CDH2: variants seen among roughly 807,000 people sequenced by gnomAD.
CDH2 encodes the protein cadherin 2, also known as cadherin-2.
CDH2 carries 17 observed loss-of-function variants against 92.0 expected under a neutral mutation model. The observed-to-expected ratio is 0.18, with a 90% confidence interval of 0.13 to 0.28. The LOEUF (loss-of-function observed/expected upper bound fraction) is 0.28. Ranked by LOEUF, CDH2 falls within the 10% of genes least tolerant of loss-of-function variation. CDH2 has a pLI of 1.00. For synonymous variants in CDH2, 419 were observed against 415.9 expected (o/e 1.01, Z -0.09); for missense variants, 862 against 1,133.1 (o/e 0.76, Z 3.44).
intron 2 of CDH2, among the ~76,000 whole-genome samples, chr18:28,134,640 G>A (rs1454531518): frequency 6.6e-6 from 1 of 152,178 alleles, no homozygotes; most frequent in Non-Finnish European, 1.5e-5. Flanking sequence ...GAGCCCAAGA[G>A]GTTCAGGTTG....
intron 2 of CDH2, among the ~76,000 whole-genome samples, chr18:28,047,065 G>A (rs539926673): frequency 1.9e-4 from 29 of 152,220 alleles, no homozygotes; most frequent in Non-Finnish European, 3.7e-4. Flanking sequence ...ATTCCTAGAG[G>A]GATTCCTTTA....
intron 2 of CDH2, among the ~76,000 whole-genome samples, chr18:28,054,130 G>A (rs11564410): frequency 0.21 from 31,479 of 152,086 alleles, 3,777 homozygotes; most frequent in Non-Finnish European, 0.27. Context: ...CAGATTAAAA[G>A]TGGACTGGCT....
intron 2 of CDH2, among the ~76,000 whole-genome samples, chr18:28,017,470 G>A (rs544579400): frequency 5.5e-4 from 84 of 152,012 alleles, no homozygotes; most frequent in African/African-American, 1.7e-3. Context: ...CTCCCGTTTC[G>A]TTTCTAATTG....
chr18:28,160,954 G>C (rs2016297912), intron 1 of CDH2, among the ~76,000 whole-genome samples: 1 of 152,074 alleles, frequency 6.6e-6, no homozygotes, highest in Non-Finnish European at 1.5e-5. Context: ...AATGATCCTT[G>C]TCCTTCTTGA....
intron 2 of CDH2, among the ~76,000 whole-genome samples, chr18:28,125,935 T>A (rs1473013846): frequency 6.6e-6 from 1 of 152,154 alleles, no homozygotes; most frequent in Non-Finnish European, 1.5e-5. Flanking sequence ...GAAAATAGTA[T>A]AAAAATTTAG....
At chr18:28,160,156 A>T (rs2144351824) in intron 1 of CDH2, among the ~76,000 whole-genome samples, 1 of 147,070 alleles carries the variant, frequency 6.8e-6, no homozygotes, top group South Asian at 2.1e-4. Flanking sequence ...GCCTCGAGAA[A>T]AAAATAAAAA....
chr18:28,040,311 A>G (rs1261543083), intron 2 of CDH2, among the ~76,000 whole-genome samples: 35 of 152,170 alleles, frequency 2.3e-4, no homozygotes, highest in Admixed American at 2.3e-3. Flanking sequence ...AAATGATGCA[A>G]AACTGCCTTC....
chr18:28,018,304 T>G (rs1838161), intron 2 of CDH2, among the ~76,000 whole-genome samples: 25,037 of 151,796 alleles, frequency 0.16, 2,380 homozygotes, highest in South Asian at 0.3. Flanking sequence ...AAATGACCAA[T>G]GACCATACTG....
At chr18:27,981,881 C>T (rs542089642) in intron 14 of CDH2, among the ~76,000 whole-genome samples, 38 of 152,264 alleles carry the variant, frequency 2.5e-4, no homozygotes, top group Non-Finnish European at 4.0e-4. Context: ...TTGCATTAGC[C>T]AGTAGAAATC....
At chr18:28,085,557 A>G (rs982694982) in intron 2 of CDH2, among the ~76,000 whole-genome samples, 6 of 151,748 alleles carry the variant, frequency 4.0e-5, no homozygotes, top group Non-Finnish European at 7.4e-5. Context: ...TCAACAAACA[A>G]CTCCCCACTG....
At chr18:28,143,447 T>G (rs2015985844) in intron 2 of CDH2, among the ~76,000 whole-genome samples, 1 of 152,086 alleles carries the variant, frequency 6.6e-6, no homozygotes, top group Admixed American at 6.6e-5. Context: ...CTACATATTA[T>G]CTTCAAAAGC....
chr18:28,057,633 C>T (rs1354434554), intron 2 of CDH2, among the ~76,000 whole-genome samples: 1 of 150,540 alleles, frequency 6.6e-6, no homozygotes, highest in Non-Finnish European at 1.5e-5. Context: ...TGCTGCCGCA[C>T]TGCAGCCTGG....
chr18:28,072,186 T>G (rs576711276), intron 2 of CDH2, among the ~76,000 whole-genome samples: 1 of 152,228 alleles, frequency 6.6e-6, no homozygotes, highest in African/African-American at 2.4e-5. Context: ...TATCAGTCTC[T>G]TCTACCTCTC....
At chr18:28,145,114 C>T (rs563923451) in intron 2 of CDH2, among the ~76,000 whole-genome samples, 1 of 152,156 alleles carries the variant, frequency 6.6e-6, no homozygotes, top group East Asian at 1.9e-4. Flanking sequence ...TACCAATACA[C>T]CAACATATTA....
At chr18:28,010,690 G>C (rs1441980734) in intron 4 of CDH2, among the ~76,000 whole-genome samples, 2 of 151,552 alleles carry the variant, frequency 1.3e-5, no homozygotes, top group Non-Finnish European at 2.9e-5. Flanking sequence ...TGCGGGGGGG[G>C]AAGGAGTCTC....
intron 2 of CDH2, among the ~76,000 whole-genome samples, chr18:28,122,989 G>A (rs2015617412): frequency 6.6e-6 from 1 of 152,074 alleles, no homozygotes; most frequent in Non-Finnish European, 1.5e-5. Context: ...GAAAGTTTGT[G>A]AAAAATGTTA....
intron 2 of CDH2, among the ~76,000 whole-genome samples, chr18:28,070,872 C>T (rs2014604438): frequency 1.3e-5 from 2 of 152,198 alleles, no homozygotes; most frequent in South Asian, 4.1e-4. Context: ...AATTAAATTA[C>T]AATTCGATTT....
intron 2 of CDH2, among the ~76,000 whole-genome samples, chr18:28,040,085 CTATT>C (rs2013919216): frequency 2.0e-5 from 3 of 152,078 alleles, no homozygotes; most frequent in Admixed American, 2.0e-4. Flanking sequence ...GAATGAATAA[CTATT>C]TGTTTAGTTA....
At chr18:28,174,356 G>A (rs557400494) in intron 1 of CDH2, among the ~76,000 whole-genome samples, 1 of 152,234 alleles carries the variant, frequency 6.6e-6, no homozygotes, top group South Asian at 2.1e-4. Flanking sequence ...CAGACCATTA[G>A]CACAAAGTCA....
Sources: allele counts gnomAD v4.1 joint callset (sites outside exome capture counted in the v4.1 genomes callset), GRCh38; gene constraint gnomAD v4.1.1; transcripts MANE v1.5; gene names NCBI Gene and HGNC (gene_info 2026-07-23, HGNC 2026-07-21).